ARHGAP26: variants seen among roughly 807,000 people sequenced by gnomAD.
ARHGAP26 encodes the protein rho GTPase-activating protein 26.
A neutral mutation model predicts 104.8 loss-of-function variants in ARHGAP26; 38 were observed. That is an observed-to-expected ratio of 0.36 (90% CI 0.28 to 0.48). The LOEUF (loss-of-function observed/expected upper bound fraction) is 0.48, where lower values mean the gene tolerates loss of function less well. Ranked by LOEUF, ARHGAP26 falls within the 20% of genes least tolerant of loss-of-function variation. The pLI is 0.99. For synonymous variants in ARHGAP26, 341 were observed against 340.0 expected (o/e 1.00, Z -0.03); for missense variants, 704 against 947.9 (o/e 0.74, Z 3.38).
chr5:143,028,793 C>G (rs908612049), intron 12 of ARHGAP26, among the ~76,000 whole-genome samples: 4 of 152,210 alleles, frequency 2.6e-5, no homozygotes, highest in Admixed American at 6.5e-5. Flanking sequence ...ACCTACAATT[C>G]TGTCTGTGTG....
chr5:143,016,166 T>C (rs937428225), intron 12 of ARHGAP26, among the ~76,000 whole-genome samples: 1 of 152,194 alleles, frequency 6.6e-6, no homozygotes, highest in African/African-American at 2.4e-5. Context: ...AGTTTGTTAA[T>C]GATTGAAATT....
intron 10 of ARHGAP26, among the ~76,000 whole-genome samples, chr5:142,922,371 C>T (rs1763312956): frequency 6.6e-6 from 1 of 151,914 alleles, no homozygotes; most frequent in African/African-American, 2.4e-5. Flanking sequence ...ATTAGAAGGT[C>T]CAGTTGAAAA....
chr5:143,126,973 C>T (rs1293114110), intron 18 of ARHGAP26, among the ~76,000 whole-genome samples: 1 of 152,202 alleles, frequency 6.6e-6, no homozygotes, highest in Non-Finnish European at 1.5e-5. Context: ...TATTTTTATG[C>T]TTCCAGCTAA....
chr5:142,805,212 C>T (rs1431765479), intron 1 of ARHGAP26, among the ~76,000 whole-genome samples: 2 of 151,590 alleles, frequency 1.3e-5, no homozygotes, highest in Non-Finnish European at 2.9e-5. Flanking sequence ...AAGCAGTTCT[C>T]CTGCTTCAGC....
chr5:142,867,288 G>GGTGTGTGTGTGTGTGT (rs70991782), intron 1 of ARHGAP26, among the ~76,000 whole-genome samples: 18 of 143,594 alleles, frequency 1.3e-4, no homozygotes, highest in Admixed American at 5.6e-4. Context: ...ATTTGCACAG[G>GGTGTGTGTGTGTGTGT]GTGTGTGTGT....
At chr5:142,974,585 T>C (rs114345162) in intron 11 of ARHGAP26, among the ~76,000 whole-genome samples, 58 of 152,256 alleles carry the variant, frequency 3.8e-4, no homozygotes, top group African/African-American at 1.3e-3. Context: ...TCATGTAAAG[T>C]GTTTGTGGTT....
intron 17 of ARHGAP26, among the ~76,000 whole-genome samples, chr5:143,092,157 TG>T (rs1791525978): frequency 7.4e-6 from 1 of 134,694 alleles, no homozygotes; most frequent in East Asian, 2.1e-4. Flanking sequence ...AACATCCCTT[TG>T]TTTTTTTTTT....
At chr5:143,166,193 G>A (rs978401417) in intron 20 of ARHGAP26, 17 of 865,636 alleles carry the variant, frequency 2.0e-5, no homozygotes, top group Non-Finnish European at 2.3e-5. Flanking sequence ...CCCCATGTAC[G>A]TAGCTGGCAG....
chr5:142,819,474 G>T (rs1597766057), intron 1 of ARHGAP26, among the ~76,000 whole-genome samples: 1 of 152,324 alleles, frequency 6.6e-6, no homozygotes, highest in East Asian at 1.9e-4. Flanking sequence ...AGCCTGCTCT[G>T]CCAGGCATGT....
intron 1 of ARHGAP26, among the ~76,000 whole-genome samples, chr5:142,853,956 A>G (rs188929027): frequency 6.6e-6 from 1 of 152,320 alleles, no homozygotes; most frequent in African/African-American, 2.4e-5. Context: ...GCCAAGAACA[A>G]CAATGTGGCA....
intron 1 of ARHGAP26, chr5:142,771,150 C>CCAGCGCGGGTGGTGCTCTGGGG: frequency 4.6e-6 from 6 of 1,292,916 alleles, no homozygotes; most frequent in Non-Finnish European, 5.9e-6. Context: ...GGGAGGTGAC[C>CCAGCGCGGGTGGTGCTCTGGGG]CAGCGCGGGT....
At chr5:143,072,690 G>T (rs1343823747) in intron 17 of ARHGAP26, among the ~76,000 whole-genome samples, 1 of 151,936 alleles carries the variant, frequency 6.6e-6, no homozygotes, top group African/African-American at 2.4e-5. Flanking sequence ...AACTAAAAAA[G>T]GTCGATCTCA....
chr5:143,173,327 C>A (rs1361272301), intron 20 of ARHGAP26, among the ~76,000 whole-genome samples: 1 of 152,176 alleles, frequency 6.6e-6, no homozygotes, highest in Non-Finnish European at 1.5e-5. Flanking sequence ...TGAGCCACTG[C>A]ACCCGGCTCA....
intron 14 of ARHGAP26, among the ~76,000 whole-genome samples, chr5:143,049,516 T>TA (rs774655430): frequency 1.3e-5 from 2 of 152,348 alleles, no homozygotes; most frequent in South Asian, 4.1e-4. Flanking sequence ...GGATTTTACT[T>TA]ATATGACAGA....
chr5:143,086,211 A>C (rs913361407), intron 17 of ARHGAP26, among the ~76,000 whole-genome samples: 2 of 152,232 alleles, frequency 1.3e-5, no homozygotes, highest in African/African-American at 4.8e-5. Context: ...CCAGATGGCT[A>C]TATTAAGTTG....
chr5:143,180,919 C>G (rs778568705), intron 20 of ARHGAP26, among the ~76,000 whole-genome samples: 4 of 152,232 alleles, frequency 2.6e-5, no homozygotes, highest in Admixed American at 1.3e-4. Context: ...ATGAATGGTT[C>G]CCCTTCCTCC....
At chr5:143,149,308 T>G in intron 20 of ARHGAP26, among the ~76,000 whole-genome samples, 1 of 151,974 alleles carries the variant, frequency 6.6e-6, no homozygotes, top group East Asian at 1.9e-4. Flanking sequence ...GCTGAGTGAG[T>G]CGCTGATTGA....
At chr5:143,191,672 G>A (rs938046144) in intron 20 of ARHGAP26, among the ~76,000 whole-genome samples, 1 of 152,212 alleles carries the variant, frequency 6.6e-6, no homozygotes, top group Non-Finnish European at 1.5e-5. Flanking sequence ...CGTCATGAAG[G>A]TGGGACACTC....
intron 1 of ARHGAP26, among the ~76,000 whole-genome samples, chr5:142,814,886 A>G (rs2436379): frequency 0.23 from 34,658 of 152,222 alleles, 5,022 homozygotes; most frequent in East Asian, 0.46. Context: ...GTTATTAGCC[A>G]GTTATTAGCC....
Sources: gnomAD v4.1 joint callset for allele counts (sites outside exome capture counted in the v4.1 genomes callset) on GRCh38, gnomAD v4.1.1 for gene constraint, MANE v1.5 for transcripts, NCBI Gene and HGNC (gene_info 2026-07-23, HGNC 2026-07-21) for gene names.